The following RANBP2 variants were observed in gnomAD, a reference collection of about 807,000 sequenced individuals.
RANBP2 encodes the protein E3 SUMO-protein ligase RanBP2.
Under a neutral mutation model 303.6 loss-of-function variants are expected in RANBP2, and 57 were observed. The ratio of observed to expected loss-of-function variants is 0.19; its 90% CI spans 0.15 to 0.23. The LOEUF is 0.23. RANBP2 is among the 10% of genes least tolerant of loss of function. The pLI, the probability that RANBP2 is intolerant of heterozygous loss-of-function variation, is 1.00. For synonymous variants in RANBP2, 1,167 were observed against 1,301.5 expected, an observed-to-expected ratio of 0.90 and a Z score of 2.23; for missense variants, 3,138 against 3,780.8, an observed-to-expected ratio of 0.83 and a Z score of 4.46.
the RANBP2 span, among the ~76,000 whole-genome samples, chr2:109,034,940 C>T: frequency 6.6e-6 from 1 of 152,006 alleles, no homozygotes; most frequent in Admixed American, 6.5e-5. Context: ...TGAGGGGGCA[C>T]ATTTAAAGAA....
At chr2:109,683,377 G>A in the RANBP2 span, among the ~76,000 whole-genome samples, 5 of 151,562 alleles carry the variant, frequency 3.3e-5, no homozygotes, top group Middle Eastern at 6.8e-3. Flanking sequence ...CGGTGTGCAC[G>A]GTGGTGATAC....
At position 108,783,569 on chromosome 2, in the gene RANBP2, CTTTTTTATTATAAATCT is replaced by C; in HGVS notation, c.9370-20_9370-4del. The C allele has an allele frequency of 6.4e-7, 1 of 1,563,466 alleles. No homozygotes were observed. Among genetic ancestry groups the C allele is most frequent in the Non-Finnish European group, 8.7e-7 (1 of 1,147,874 alleles). On this transcript the variant is annotated splice_polypyrimidine_tract_variant and intron_variant, in intron 28 of 28. Coordinates refer to ENST00000283195, the MANE Select transcript of RANBP2 (RefSeq NM_006267.5). ...CCTATTAATTGAAAAAAATTTTTAA[CTTTTTTATTATAAATCT>C]TTTTTTCAGGGAGGAGATATCACCA...
At chr2:109,468,143 C>T in the RANBP2 span, among the ~76,000 whole-genome samples, 1 of 152,206 alleles carries the variant, frequency 6.6e-6, no homozygotes, top group Non-Finnish European at 1.5e-5. Flanking sequence ...GTGATTTTGT[C>T]TTGTGAACAT....
chr2:109,447,327 G>A, the RANBP2 span, among the ~76,000 whole-genome samples: 16 of 152,188 alleles, frequency 1.1e-4, no homozygotes, highest in East Asian at 2.9e-3. Flanking sequence ...GTCAGAAGAA[G>A]GCCTGACTCC....
chr2:108,962,701 A>AGG, the RANBP2 span, among the ~76,000 whole-genome samples: 3 of 86,710 alleles, frequency 3.5e-5, no homozygotes, highest in African/African-American at 1.1e-4. Flanking sequence ...AAAAAAAAAA[A>AGG]GAGAGAAAGG....
chr2:108,926,573 CG>C, the RANBP2 span, among the ~76,000 whole-genome samples: 1 of 152,198 alleles, frequency 6.6e-6, no homozygotes, highest in Non-Finnish European at 1.5e-5. Flanking sequence ...TCCAGAATCG[CG>C]GGGTGGTGGA....
chr2:109,240,242 A>G, the RANBP2 span, among the ~76,000 whole-genome samples: 6 of 152,296 alleles, frequency 3.9e-5, no homozygotes, highest in Admixed American at 2.6e-4. Flanking sequence ...GCTCACGCCT[A>G]TAATTTCAGC....
chr2:108,833,122 A>G, the RANBP2 span, among the ~76,000 whole-genome samples: 4 of 152,260 alleles, frequency 2.6e-5, no homozygotes, highest in African/African-American at 9.6e-5. Flanking sequence ...AAAGAGGAGC[A>G]GAGCACAGGC....
chr2:109,705,879 A>C, the RANBP2 span, among the ~76,000 whole-genome samples: 1 of 152,178 alleles, frequency 6.6e-6, no homozygotes, highest in Non-Finnish European at 1.5e-5. Context: ...CAAACTTCTA[A>C]GGTGGAAATC....
chr2:109,600,046 C>G, the RANBP2 span, among the ~76,000 whole-genome samples: 1 of 152,168 alleles, frequency 6.6e-6, no homozygotes, highest in African/African-American at 2.4e-5. Flanking sequence ...ACCTGTAGAG[C>G]CTTTGGAATC....
At chr2:109,394,838 C>T in the RANBP2 span, among the ~76,000 whole-genome samples, 1 of 152,206 alleles carries the variant, frequency 6.6e-6, no homozygotes, top group African/African-American at 2.4e-5. Flanking sequence ...AGCATGGAGG[C>T]CTGTGCGCGA....
chr2:109,544,451 A>C, the RANBP2 span: 2 of 1,397,866 alleles, frequency 1.4e-6, no homozygotes, highest in East Asian at 2.5e-5. Flanking sequence ...AGAAAAAACC[A>C]AAAACACCAA....
At chr2:109,120,090 G>A in the RANBP2 span, among the ~76,000 whole-genome samples, 47 of 152,354 alleles carry the variant, frequency 3.1e-4, no homozygotes, top group African/African-American at 9.6e-4. Context: ...CAGCCTGAAG[G>A]GGCTGGCTCC....
At chr2:108,788,797 A>G (rs1679402900), downstream of RANBP2, 13 of 1,607,684 alleles carry the variant, frequency 8.1e-6, no homozygotes, top group Non-Finnish European at 1.1e-5. Flanking sequence ...CCAGTGCCAG[A>G]TATTTTGTGA....
At chr2:108,848,789 A>G in the RANBP2 span, among the ~76,000 whole-genome samples, 1 of 152,224 alleles carries the variant, frequency 6.6e-6, no homozygotes, top group Non-Finnish European at 1.5e-5. Context: ...TAATAAATCA[A>G]AATAGGACAA....
At chr2:109,002,561 T>G in the RANBP2 span, among the ~76,000 whole-genome samples, 1 of 150,630 alleles carries the variant, frequency 6.6e-6, no homozygotes, top group African/African-American at 2.5e-5. Flanking sequence ...TTACCACACC[T>G]CAGTGCACCG....
the RANBP2 span, among the ~76,000 whole-genome samples, chr2:109,063,738 C>T: frequency 2.6e-5 from 4 of 151,536 alleles, no homozygotes; most frequent in Admixed American, 6.6e-5. Context: ...TCTGACAAAT[C>T]GTTATCTAGT....
chr2:109,449,857 A>G, the RANBP2 span, among the ~76,000 whole-genome samples: 1 of 152,244 alleles, frequency 6.6e-6, no homozygotes, highest in Non-Finnish European at 1.5e-5. Flanking sequence ...GTAATAATAA[A>G]TATACAAATC....
chr2:109,714,811 T>C, the RANBP2 span, among the ~76,000 whole-genome samples: 1 of 152,016 alleles, frequency 6.6e-6, no homozygotes, highest in Admixed American at 6.6e-5. Flanking sequence ...GTTTTCACCA[T>C]GTTGACCAGA....
Sources: gnomAD v4.1 joint callset for allele counts (sites outside exome capture counted in the v4.1 genomes callset) on GRCh38, gnomAD v4.1.1 for gene constraint, MANE v1.5 for transcripts, NCBI Gene and HGNC (gene_info 2026-07-23, HGNC 2026-07-21) for gene names.